RHOBTB2: variants seen among roughly 807,000 people sequenced by gnomAD.
RHOBTB2 encodes Rho related BTB domain containing 2.
A neutral mutation model predicts 66.5 loss-of-function variants in RHOBTB2; 39 were observed. The observed-to-expected ratio is 0.59, with a 90% CI of 0.45 to 0.77. The LOEUF is 0.77. RHOBTB2 is among the 30% of genes least tolerant of loss of function. The pLI is 0.00. For synonymous variants in RHOBTB2, 390 were observed against 395.0 expected, an observed-to-expected ratio of 0.99 and a Z score of 0.15; for missense variants, 755 against 999.1, an observed-to-expected ratio of 0.76 and a Z score of 3.29.
the RHOBTB2 span, among the ~76,000 whole-genome samples, chr8:22,960,192 A>C: frequency 6.6e-6 from 1 of 151,192 alleles, no homozygotes; most frequent in Non-Finnish European, 1.5e-5. Context: ...AAAAAAAAAA[A>C]CAAAAAAACA....
Position 23,005,420 on chromosome 8 carries a change from C to T in RHOBTB2, c.241C>T (p.Arg81Cys), listed in dbSNP as rs975325919. 6.2e-7 allele frequency: 1 copy of T among 1,614,000 alleles called. No homozygotes were observed. Among genetic ancestry groups the T allele is most frequent in the Non-Finnish European group, 8.5e-7 (1 of 1,179,922 alleles). Residue 81 changes from arginine to cysteine, a missense_variant, in exon 3 of 10, where the codon CGC (arginine) becomes TGC (cysteine). Arg to Cys is a radical substitution (Grantham distance 180). Transcript: ENST00000251822. ...GGTAGATGATGTCAGCGTCTCTCTG[C>T]GCCTCTGGGACACCTTTGGAGACCA... ...DVVDDVSVSL[R>C]LWDTFGDHHK... is the part of the protein sequence containing the mutation.
At chr8:22,987,333 C>T (rs2128794881), upstream of RHOBTB2, 1 of 152,504 alleles carries the variant, frequency 6.6e-6, no homozygotes, top group East Asian at 1.9e-4. Flanking sequence ...AAGCCTCTGG[C>T]CCAGGGTTTA....
the RHOBTB2 span, among the ~76,000 whole-genome samples, chr8:22,952,469 T>C: frequency 0.62 from 93,541 of 151,954 alleles, 29,261 homozygotes; most frequent in African/African-American, 0.72. Context: ...AGGCACTTTC[T>C]TTATACTGTT....
In RHOBTB2 at chr8:23,017,401, A is replaced by G. The variant is rs767577692; in HGVS notation, c.2116A>G (p.Ser706Gly). ...CAAACGGCGTTGGCTCTTCTGGAACAGTCCATCCTCCCCGTCTTCCTCGGC... is the reference window on the plus strand; with the variant it reads ...CAAACGGCGTTGGCTCTTCTGGAACGGTCCATCCTCCCCGTCTTCCTCGGC... ...QPKRRWLFWN[S>G]PSSPSSSAAS... Residue 706 changes from serine (S) to glycine (G), a missense_variant, in exon 10 of 10, where the codon AGT (serine) becomes GGT (glycine). By Grantham distance (56) the Ser-to-Gly change is moderately conservative. This residue lies in a region of RHOBTB2 where 353 missense variants were observed against 458.2 expected (regional missense o/e 0.77). Transcript: ENST00000251822. The surrounding 1 kb of genome is among the most constrained non-coding windows in gnomAD (Gnocchi z 5.3). The G allele has an allele frequency of 3.1e-6, 5 of 1,613,858 alleles. No homozygotes were observed. The highest frequency in any genetic ancestry group is 1.3e-5 in the African/African-American group (1 of 74,906).
chr8:23,003,999 A>ACGTGGC (rs1357905103), intron 1 of RHOBTB2: 7 of 267,064 alleles, frequency 2.6e-5, no homozygotes, highest in Admixed American at 9.9e-5. Flanking sequence ...AGGGGTGGGG[A>ACGTGGC]CGTGGCCGAC....
the RHOBTB2 span, among the ~76,000 whole-genome samples, chr8:22,976,351 A>T: frequency 6.6e-6 from 1 of 152,086 alleles, no homozygotes; most frequent in Non-Finnish European, 1.5e-5. Flanking sequence ...GCAAAGAGAG[A>T]TTCCCGGACA....
intron 1 of RHOBTB2, 110 bp downstream of exon 1, chr8:23,000,215 G>A: frequency 1.4e-6 from 1 of 735,560 alleles, no homozygotes; most frequent in Non-Finnish European, 1.7e-6. Context: ...CCCGGGCCCC[G>A]CTAGTCCCTG....
At position 23,004,310 on chromosome 8, in the gene RHOBTB2, A is replaced by C. The variant is rs533728516; in HGVS notation, c.-10-115A>C. On this transcript the variant is annotated intron_variant, in intron 1 of 9. Coordinates refer to ENST00000251822, the MANE Select transcript of RHOBTB2 (RefSeq NM_015178.3). This position sits in a 1 kb window ranked among gnomAD's most constrained non-coding sequence, Gnocchi z 6.4. ...TTGCCCACTCCTTCCTCCTCCTGTC[A>C]GCTCCGGGGCTTGCAGAGGGGGCAG... The C allele has an allele frequency of 1.2e-6, 1 of 863,322 alleles. No homozygotes were observed. The highest frequency in any genetic ancestry group is 1.7e-5 in the African/African-American group (1 of 60,470). The allele number at this position is 863,322 out of a possible 1,614,324, so 53.5% of individuals were successfully genotyped here. A position where few individuals can be genotyped will look rare whatever the true frequency, so the allele number is the denominator to read the frequency against.
chr8:22,981,204 G>A, the RHOBTB2 span, among the ~76,000 whole-genome samples: 1 of 152,206 alleles, frequency 6.6e-6, no homozygotes, highest in African/African-American at 2.4e-5. Flanking sequence ...CAAGTTGTCA[G>A]TGCCTGGCAC....
At chr8:23,002,429 C>T (rs1169503185) in intron 1 of RHOBTB2, among the ~76,000 whole-genome samples, 13 of 152,188 alleles carry the variant, frequency 8.5e-5, no homozygotes, top group Admixed American at 2.6e-4. Flanking sequence ...TGGTGGCTCA[C>T]GCCTGTAATC....
chr8:23,009,279 C>A (rs367958541), intron 6 of RHOBTB2, among the ~76,000 whole-genome samples: 3 of 152,146 alleles, frequency 2.0e-5, no homozygotes, highest in Non-Finnish European at 4.4e-5. Flanking sequence ...CTAGCTCTCA[C>A]GATGCCACCA....
At chr8:22,979,904 C>T in the RHOBTB2 span, among the ~76,000 whole-genome samples, 6 of 151,330 alleles carry the variant, frequency 4.0e-5, no homozygotes, top group Non-Finnish European at 7.4e-5. Context: ...ACTATAGGCG[C>T]GTGCCATCAC....
rs1451551737 is a variant in RHOBTB2 at position 23,007,318 on chromosome 8, G to C, written c.1073G>C (p.Gly358Ala). ...AGCGTGGATGAGGCTGGGGGCTCCG[G>C]TCCTGCTGGCCTCCGTGCTTCCACC... ...CESVDEAGGS[G>A]PAGLRASTSD... The change falls in exon 5 of 10, where the codon GGT (glycine) becomes GCT (alanine). Residue 358 changes from glycine (G) to alanine (A), a missense_variant. By Grantham distance (60) the Gly-to-Ala change is moderately conservative (BLOSUM62 0). Coordinates refer to ENST00000251822, the MANE Select transcript of RHOBTB2 (RefSeq NM_015178.3). The C allele has an allele frequency of 2.5e-6, 4 of 1,613,752 alleles. No homozygotes were observed. Among genetic ancestry groups the C allele is most frequent in the Non-Finnish European group, 3.4e-6 (4 of 1,179,880 alleles).
At chr8:22,974,968 G>A in the RHOBTB2 span, among the ~76,000 whole-genome samples, 1 of 152,088 alleles carries the variant, frequency 6.6e-6, no homozygotes, top group Admixed American at 6.5e-5. Flanking sequence ...TCAATGTTTT[G>A]TCCCTTGAGA....
chr8:23,005,574 G>T, intron 3 of RHOBTB2, 99 bp downstream of exon 3: 1 of 855,668 alleles, frequency 1.2e-6, no homozygotes. Context: ...CAGCTGGCAA[G>T]AAGAAGTGGA....
chr8:22,963,738 G>A, the RHOBTB2 span, among the ~76,000 whole-genome samples: 3 of 152,062 alleles, frequency 2.0e-5, no homozygotes, highest in South Asian at 6.2e-4. Context: ...AAAAATGAGA[G>A]AGGTTGTGCA....
upstream of RHOBTB2, among the ~76,000 whole-genome samples, chr8:22,982,551 G>A (rs1039879939): frequency 2.6e-5 from 4 of 152,154 alleles, no homozygotes; most frequent in African/African-American, 7.2e-5. Flanking sequence ...GAACCCAGGA[G>A]GCAGATGTTG....
the RHOBTB2 span, among the ~76,000 whole-genome samples, chr8:22,956,413 C>T: frequency 6.6e-6 from 1 of 152,146 alleles, no homozygotes. Context: ...CAGTGCTGTT[C>T]TCATGATAGT....
the RHOBTB2 span, among the ~76,000 whole-genome samples, chr8:22,965,811 T>A: frequency 6.6e-6 from 1 of 152,312 alleles, no homozygotes; most frequent in Admixed American, 6.5e-5. Context: ...GAGCTAGAAC[T>A]ATAAAGCTCT....
Sources: gnomAD v4.1 joint callset for allele counts (sites outside exome capture counted in the v4.1 genomes callset) on GRCh38, gnomAD v4.1.1 for gene constraint, gnomAD v4.1.1 regional missense constraint, Gnocchi (gnomAD v3.1) non-coding constraint, MANE v1.5 for transcripts, NCBI Gene and HGNC (gene_info 2026-07-23, HGNC 2026-07-21) for gene names.